FMN1: variants seen among roughly 807,000 people sequenced by gnomAD.
FMN1 encodes the protein formin-1.
In FMN1, 110 loss-of-function variants were observed where a neutral mutation model predicts 132.4. That is an observed-to-expected ratio of 0.83 (90% CI 0.71 to 0.97). The LOEUF (loss-of-function observed/expected upper bound fraction) is 0.97, where lower values mean the gene tolerates loss of function less well. Ranked by LOEUF, FMN1 falls within the 50% of genes least tolerant of loss-of-function variation. The probability of loss-of-function intolerance (pLI) is 0.00; values close to 1 mark genes in which losing one functional copy is unlikely to be tolerated. For synonymous variants in FMN1, 722 were observed against 651.7 expected (o/e 1.11, Z -1.64); for missense variants, 1,792 against 1,705.3 (o/e 1.05, Z -0.90).
intron 10 of FMN1, among the ~76,000 whole-genome samples, chr15:32,919,732 G>C (rs1014198713): frequency 4.6e-5 from 7 of 152,188 alleles, no homozygotes; most frequent in African/African-American, 1.7e-4. Flanking sequence ...TTCTAGGCTA[G>C]ACTGAGATTG....
At chr15:33,043,539 C>T (rs1012870871) in intron 6 of FMN1, among the ~76,000 whole-genome samples, 3 of 152,218 alleles carry the variant, frequency 2.0e-5, no homozygotes, top group Non-Finnish European at 2.9e-5. Flanking sequence ...CCCTGATTCA[C>T]GAATTGTTCA....
chr15:32,957,223 T>C (rs1162156782), intron 9 of FMN1, among the ~76,000 whole-genome samples: 1 of 151,480 alleles, frequency 6.6e-6, no homozygotes, highest in African/African-American at 2.4e-5. Context: ...AGGAGGAATA[T>C]TGGCAGATCA....
At position 33,004,081 on chromosome 15, in the gene FMN1, C is replaced by A. The variant is rs1356217952; in HGVS notation, c.2223+3933G>T. ...AAGACTTACATGTTAGACCTAAAAC[C>A]ATAAAAACCCTAGAAGAAAACCTAG... On this transcript the variant is annotated intron_variant, in intron 7 of 20. Coordinates refer to ENST00000616417, the MANE Select transcript of FMN1 (RefSeq NM_001277313.2). Among the ~76,000 whole-genome samples the A allele has an allele frequency of 2.0e-5, 3 of 152,032 alleles. No individual in the cohort carries two copies. In the East Asian group the frequency reaches 5.8e-4, roughly 29 times the overall value.
intron 17 of FMN1, among the ~76,000 whole-genome samples, chr15:32,854,047 A>G (rs1323676479): frequency 6.6e-6 from 1 of 152,264 alleles, no homozygotes. Flanking sequence ...AAGAAATATA[A>G]TTTAGCTAAT....
At chr15:32,939,827 C>A (rs1027470995) in intron 9 of FMN1, among the ~76,000 whole-genome samples, 1 of 152,098 alleles carries the variant, frequency 6.6e-6, no homozygotes, top group Non-Finnish European at 1.5e-5. Flanking sequence ...TAGTGATAAT[C>A]TGGGAAATTT....
intron 6 of FMN1, among the ~76,000 whole-genome samples, chr15:33,009,907 A>C (rs953485632): frequency 3.4e-5 from 5 of 148,076 alleles, no homozygotes; most frequent in Admixed American, 2.7e-4. Flanking sequence ...GTTTTTTTTG[A>C]GATGGAGTTT....
chr15:33,158,143 G>A (rs946529960), intron 3 of FMN1, among the ~76,000 whole-genome samples: 1 of 152,094 alleles, frequency 6.6e-6, no homozygotes, highest in Non-Finnish European at 1.5e-5. Flanking sequence ...ACTACAGCTG[G>A]TATAGGCAGT....
intron 2 of FMN1, among the ~76,000 whole-genome samples, chr15:33,185,911 T>C: frequency 6.6e-6 from 1 of 152,168 alleles, no homozygotes; most frequent in Non-Finnish European, 1.5e-5. Context: ...TGAAATGCTT[T>C]CATGCCTATT....
At chr15:33,082,307 AG>A (rs2038513926) in intron 5 of FMN1, among the ~76,000 whole-genome samples, 1 of 152,112 alleles carries the variant, frequency 6.6e-6, no homozygotes, top group South Asian at 2.1e-4. Context: ...TCCCGACCTC[AG>A]GTGATCCACC....
At chr15:33,049,966 G>GT (rs2036891371) in intron 6 of FMN1, among the ~76,000 whole-genome samples, 1 of 152,162 alleles carries the variant, frequency 6.6e-6, no homozygotes, top group Admixed American at 6.5e-5. Context: ...TAATTCAGCT[G>GT]AAGTTTTTTC....
chr15:32,998,358 G>A (rs1285660811), intron 7 of FMN1, among the ~76,000 whole-genome samples: 1 of 152,126 alleles, frequency 6.6e-6, no homozygotes, highest in Non-Finnish European at 1.5e-5. Context: ...AGGTAACATG[G>A]GAAAAGAAAA....
At chr15:33,002,445 C>T (rs1382945021) in intron 7 of FMN1, among the ~76,000 whole-genome samples, 4 of 152,306 alleles carry the variant, frequency 2.6e-5, no homozygotes, top group South Asian at 2.1e-4. Context: ...CTCACAAGTA[C>T]AGCTAGGGTG....
intron 4 of FMN1, among the ~76,000 whole-genome samples, chr15:33,090,493 T>C (rs1332036454): frequency 6.6e-6 from 1 of 152,164 alleles, no homozygotes; most frequent in Non-Finnish European, 1.5e-5. Flanking sequence ...AGTTGCCCTC[T>C]AGCAGGCTGT....
intron 18 of FMN1, 71 bp from the exon 19 acceptor site, chr15:32,799,024 G>T (rs907132579): frequency 2.4e-6 from 3 of 1,249,410 alleles, no homozygotes; most frequent in African/African-American, 1.5e-5. Flanking sequence ...TCCATTAGAG[G>T]GGGGATGCTG....
intron 6 of FMN1, among the ~76,000 whole-genome samples, chr15:33,017,878 A>T (rs2035154170): frequency 1.3e-5 from 2 of 152,206 alleles, no homozygotes; most frequent in African/African-American, 4.8e-5. Flanking sequence ...CAGCCTGGCC[A>T]ACATGGCAAA....
intron 6 of FMN1, among the ~76,000 whole-genome samples, chr15:33,045,000 G>A (rs895787851): frequency 6.6e-6 from 1 of 152,218 alleles, no homozygotes; most frequent in Non-Finnish European, 1.5e-5. Flanking sequence ...TGGGTGACAA[G>A]GAGGAGAGAA....
chr15:33,119,614 TTCTTTC>T (rs1962362609), intron 4 of FMN1, among the ~76,000 whole-genome samples: 1 of 152,230 alleles, frequency 6.6e-6, no homozygotes, highest in Admixed American at 6.5e-5. Flanking sequence ...TGCTTTTATT[TTCTTTC>T]TCTTTCAAGG....
intron 4 of FMN1, among the ~76,000 whole-genome samples, chr15:33,123,361 C>T (rs1046036055): frequency 2.0e-5 from 3 of 152,124 alleles, no homozygotes; most frequent in African/African-American, 7.2e-5. Flanking sequence ...ACTCCTGAAT[C>T]TGGCATTCAA....
At chr15:32,796,040 T>C (rs2057279164) in intron 19 of FMN1, among the ~76,000 whole-genome samples, 2 of 152,230 alleles carry the variant, frequency 1.3e-5, no homozygotes, top group African/African-American at 4.8e-5. Context: ...TAGGACATTT[T>C]TATGTGGTCA....
Sources: allele counts gnomAD v4.1 joint callset (sites outside exome capture counted in the v4.1 genomes callset), GRCh38; gene constraint gnomAD v4.1.1; transcripts MANE v1.5; gene names NCBI Gene and HGNC (gene_info 2026-07-23, HGNC 2026-07-21).